Variants in DYNC1I1 observed in about 807,000 individuals in gnomAD.
The protein encoded by DYNC1I1 is cytoplasmic dynein 1 intermediate chain 1.
A neutral mutation model predicts 86.6 loss-of-function variants in DYNC1I1; 43 were observed. The ratio of observed to expected loss-of-function variants is 0.50; its 90% CI spans 0.39 to 0.64. The LOEUF (loss-of-function observed/expected upper bound fraction) is 0.64. Among genes scored for constraint, DYNC1I1 ranks in the 30% least tolerant of loss-of-function variants. The probability of loss-of-function intolerance (pLI) is 0.00; values close to 1 mark genes in which losing one functional copy is unlikely to be tolerated. For synonymous variants in DYNC1I1, 262 were observed against 283.7 expected (o/e 0.92, Z 0.77); for missense variants, 604 against 788.8 (o/e 0.77, Z 2.81).
intron 10 of DYNC1I1, among the ~76,000 whole-genome samples, chr7:96,024,762 T>C (rs1045337428): frequency 1.3e-5 from 2 of 152,212 alleles, no homozygotes; most frequent in African/African-American, 2.4e-5. Context: ...CATTTATTAG[T>C]AGTGTCAACC....
chr7:95,836,739 C>T (rs1034394081), intron 5 of DYNC1I1, among the ~76,000 whole-genome samples: 3 of 152,128 alleles, frequency 2.0e-5, no homozygotes, highest in African/African-American at 7.2e-5. Context: ...TGCTGATACC[C>T]TTTCTTCCAG....
chr7:95,902,884 T>A (rs1167333316), intron 6 of DYNC1I1, among the ~76,000 whole-genome samples: 1 of 152,200 alleles, frequency 6.6e-6, no homozygotes, highest in Non-Finnish European at 1.5e-5. Flanking sequence ...TTAGTTTAAT[T>A]CATGTGTGAA....
intron 14 of DYNC1I1, among the ~76,000 whole-genome samples, chr7:96,072,072 G>A (rs77792650): frequency 0.012 from 1,797 of 152,232 alleles, 41 homozygotes; most frequent in African/African-American, 0.04. Context: ...TGTAAATACC[G>A]TCTACTTTAC....
intron 9 of DYNC1I1, 136 bp from the exon 10 acceptor site, chr7:95,995,812 C>T (rs959433008): frequency 5.6e-6 from 7 of 1,257,856 alleles, no homozygotes; most frequent in South Asian, 4.8e-5. Flanking sequence ...CAGCAGTAAG[C>T]TGATAGTAGG....
At chr7:95,902,568 T>C (rs570487055) in intron 6 of DYNC1I1, among the ~76,000 whole-genome samples, 1 of 152,348 alleles carries the variant, frequency 6.6e-6, no homozygotes, top group Non-Finnish European at 1.5e-5. Context: ...TGTTAAGCAA[T>C]ATGTTATTGC....
intron 10 of DYNC1I1, among the ~76,000 whole-genome samples, chr7:96,004,349 A>G (rs1308192628): frequency 6.6e-6 from 1 of 152,146 alleles, no homozygotes; most frequent in East Asian, 1.9e-4. Context: ...ATATGCTACA[A>G]ATTATTGTAT....
Position 96,097,961 on chromosome 7 carries a change from G to A in DYNC1I1, c.*368G>A. 2 of 1,014,052 alleles carry A rather than the reference G, an allele frequency of 2.0e-6. No homozygotes were observed. Among genetic ancestry groups the A allele is most frequent in the African/African-American group, 1.7e-5 (1 of 58,642 alleles). 62.8% of individuals were successfully genotyped at this position (1,014,052 alleles called of 1,614,324 possible). ...ATTAAATCCATATGAAGCCAGATATGATTGGGTGCAGATGTGGTGTTCCTC... is the reference window on the plus strand; with the variant it reads ...ATTAAATCCATATGAAGCCAGATATAATTGGGTGCAGATGTGGTGTTCCTC... On this transcript the variant is annotated 3_prime_UTR_variant, in exon 17 of 17. Coordinates refer to ENST00000447467, the MANE Select transcript of DYNC1I1 (RefSeq NM_001135556.2).
intron 6 of DYNC1I1, among the ~76,000 whole-genome samples, chr7:95,882,400 AC>A (rs1166665166): frequency 6.6e-6 from 1 of 152,198 alleles, no homozygotes; most frequent in African/African-American, 2.4e-5. Flanking sequence ...GAAGAAGAGG[AC>A]AAAGAGATGC....
At chr7:95,945,068 A>T (rs1281664357) in intron 6 of DYNC1I1, among the ~76,000 whole-genome samples, 4 of 151,602 alleles carry the variant, frequency 2.6e-5, no homozygotes, top group East Asian at 1.9e-4. Flanking sequence ...AAAAAATAAT[A>T]AAAAAATTAA....
chr7:95,963,155 A>C (rs1792917351), intron 6 of DYNC1I1, among the ~76,000 whole-genome samples: 1 of 152,126 alleles, frequency 6.6e-6, no homozygotes, highest in Non-Finnish European at 1.5e-5. Flanking sequence ...ACCATTCTTC[A>C]AAATCCAACT....
chr7:95,931,401 G>A (rs745376511), intron 6 of DYNC1I1, among the ~76,000 whole-genome samples: 11 of 152,116 alleles, frequency 7.2e-5, no homozygotes, highest in Admixed American at 2.6e-4. Flanking sequence ...CCACCCACTC[G>A]GCCTCTCAAA....
intron 5 of DYNC1I1, among the ~76,000 whole-genome samples, chr7:95,834,988 T>C (rs1584263667): frequency 7.1e-6 from 1 of 140,904 alleles, no homozygotes; most frequent in Non-Finnish European, 1.5e-5. Flanking sequence ...CTGCTCTGAT[T>C]TTAGTTATTT....
intron 5 of DYNC1I1, among the ~76,000 whole-genome samples, chr7:95,835,336 ATAGT>A (rs1243896369): frequency 7.6e-6 from 1 of 132,388 alleles, no homozygotes; most frequent in African/African-American, 3.0e-5. Context: ...GGTCTGAGAG[ATAGT>A]TTGTTATAAT....
intron 6 of DYNC1I1, among the ~76,000 whole-genome samples, chr7:95,923,006 A>G (rs1791651357): frequency 6.6e-6 from 1 of 152,140 alleles, no homozygotes; most frequent in African/African-American, 2.4e-5. Context: ...ATTCAAATTA[A>G]AATTAATTTC....
intron 1 of DYNC1I1, among the ~76,000 whole-genome samples, chr7:95,776,938 G>A (rs983249314): frequency 1.3e-5 from 2 of 152,202 alleles, no homozygotes; most frequent in African/African-American, 4.8e-5. Context: ...TGCTTGGAGG[G>A]ATTAAGTCAC....
chr7:96,048,889 A>G (rs986877449), intron 14 of DYNC1I1, among the ~76,000 whole-genome samples: 3 of 152,206 alleles, frequency 2.0e-5, no homozygotes, highest in African/African-American at 4.8e-5. Flanking sequence ...AAACTTGACA[A>G]TATGGGCTAA....
chr7:95,973,973 C>G (rs1422193521), intron 6 of DYNC1I1, among the ~76,000 whole-genome samples: 1 of 152,200 alleles, frequency 6.6e-6, no homozygotes, highest in African/African-American at 2.4e-5. Flanking sequence ...ACTCCCCTCA[C>G]GTCCATGGAT....
chr7:95,926,639 A>C (rs1274971017), intron 6 of DYNC1I1, among the ~76,000 whole-genome samples: 1 of 152,166 alleles, frequency 6.6e-6, no homozygotes, highest in Admixed American at 6.6e-5. Flanking sequence ...AAGACATTAA[A>C]ATTTTCCTCA....
At chr7:95,785,256 T>C (rs1584219290) in intron 1 of DYNC1I1, among the ~76,000 whole-genome samples, 1 of 151,804 alleles carries the variant, frequency 6.6e-6, no homozygotes, top group Non-Finnish European at 1.5e-5. Flanking sequence ...TACCAAAAAA[T>C]ACAAAAAATT....
Sources: allele counts gnomAD v4.1 joint callset (sites outside exome capture counted in the v4.1 genomes callset), GRCh38; gene constraint gnomAD v4.1.1; transcripts MANE v1.5; gene names NCBI Gene and HGNC (gene_info 2026-07-23, HGNC 2026-07-21).